Variants in CWF19L2 observed in about 807,000 individuals in gnomAD.
The protein encoded by CWF19L2 is CWF19-like protein 2.
CWF19L2 carries 98 observed loss-of-function variants against 111.7 expected under a neutral mutation model. That is an observed-to-expected ratio of 0.88 (90% CI 0.75 to 1.04). CWF19L2 has a LOEUF of 1.04. CWF19L2 is among the 50% of genes least tolerant of loss of function. The pLI is 0.00. For missense variants in CWF19L2, 1,101 were observed against 1,051.4 expected, an observed-to-expected ratio of 1.05 and a Z score of -0.65; for synonymous variants, 351 against 342.9, an observed-to-expected ratio of 1.02 and a Z score of -0.26.
At chr11:107,439,563 G>A (rs1861591026) in intron 5 of CWF19L2, among the ~76,000 whole-genome samples, 1 of 152,114 alleles carries the variant, frequency 6.6e-6, no homozygotes, top group African/African-American at 2.4e-5. Flanking sequence ...AAGGATCAAA[G>A]ACTTCCTAGA....
intron 12 of CWF19L2, among the ~76,000 whole-genome samples, chr11:107,380,221 C>T (rs1339823924): frequency 6.6e-6 from 1 of 152,026 alleles, no homozygotes; most frequent in Non-Finnish European, 1.5e-5. Flanking sequence ...AAATAGACTG[C>T]AGTCTAATTC....
At chr11:107,336,343 T>A (rs1859923216) in intron 15 of CWF19L2, among the ~76,000 whole-genome samples, 1 of 152,152 alleles carries the variant, frequency 6.6e-6, no homozygotes, top group East Asian at 2.0e-4. Flanking sequence ...GATGGGGTTT[T>A]ATCATGTTGG....
intron 10 of CWF19L2, among the ~76,000 whole-genome samples, chr11:107,413,370 G>T (rs1452397208): frequency 6.6e-6 from 1 of 152,102 alleles, no homozygotes; most frequent in East Asian, 1.9e-4. Flanking sequence ...ATTAGAAAAA[G>T]GCCATAATGA....
intron 16 of CWF19L2, among the ~76,000 whole-genome samples, chr11:107,332,121 C>T (rs1370212928): frequency 6.6e-6 from 1 of 152,124 alleles, no homozygotes; most frequent in Non-Finnish European, 1.5e-5. Flanking sequence ...ATTTGAAGGC[C>T]TCTGGTAAAC....
At chr11:107,350,459 C>A (rs1860141782) in intron 13 of CWF19L2, among the ~76,000 whole-genome samples, 1 of 152,050 alleles carries the variant, frequency 6.6e-6, no homozygotes. Context: ...ATAAAAGAAG[C>A]CCCAGGGAAT....
At chr11:107,397,126 G>A (rs1187147753) in intron 10 of CWF19L2, among the ~76,000 whole-genome samples, 6 of 152,216 alleles carry the variant, frequency 3.9e-5, no homozygotes, top group Admixed American at 6.5e-5. Flanking sequence ...ATTATCTAGC[G>A]GAACTTTGTA....
Position 107,399,621 on chromosome 11 carries a change from G to A in CWF19L2, c.1618-6726C>T, listed in dbSNP as rs371470158. On this transcript the variant is annotated intron_variant, in intron 10 of 17. Coordinates refer to ENST00000282251, the MANE Select transcript of CWF19L2 (RefSeq NM_152434.3). Reference sequence around the variant, plus strand: ...TAGACAGCAAAAAAGTAAAAGTGGGGGACTTCAATACTCCACTGATAGCCC... The same window carrying A: ...TAGACAGCAAAAAAGTAAAAGTGGGAGACTTCAATACTCCACTGATAGCCC... Among the ~76,000 whole-genome samples the A allele has an allele frequency of 9.2e-5, 14 of 152,102 alleles. No homozygotes were observed. In the East Asian group the frequency reaches 2.7e-3, roughly 29 times the overall value.
Position 107,439,069 on chromosome 11 carries a change from AT to A in CWF19L2, c.664+20del. 3.9e-6 allele frequency: 3 copies of A among 767,364 alleles called. No individual in the cohort carries two copies. Among genetic ancestry groups the A allele is most frequent in the Non-Finnish European group, 6.4e-6 (3 of 467,440 alleles). 47.5% of individuals were successfully genotyped at this position (767,364 alleles called of 1,614,324 possible). A position where few individuals can be genotyped will look rare whatever the true frequency, so the allele number is the denominator to read the frequency against. On this transcript the variant is annotated intron_variant, in intron 6 of 17. Transcript: ENST00000282251. ...AAAAAAAAAAAAACCCTGTGTGTCT[AT>A]AATCAAAATGTAGAAATACCTTTAG...
At chr11:107,403,949 T>G (rs1165700196) in intron 10 of CWF19L2, 3 of 883,506 alleles carry the variant, frequency 3.4e-6, no homozygotes, top group Non-Finnish European at 5.8e-6. Flanking sequence ...TTTAAGGACC[T>G]GCATTCTAGC....
At chr11:107,346,842 C>T (rs1019851893) in intron 14 of CWF19L2, among the ~76,000 whole-genome samples, 2 of 152,106 alleles carry the variant, frequency 1.3e-5, no homozygotes, top group African/African-American at 4.8e-5. Flanking sequence ...AGAACACTGG[C>T]AAGTGGGCTT....
intron 12 of CWF19L2, among the ~76,000 whole-genome samples, chr11:107,361,269 T>C (rs989497581): frequency 2.0e-5 from 3 of 152,232 alleles, no homozygotes; most frequent in Non-Finnish European, 2.9e-5. Flanking sequence ...ATTGTAAATA[T>C]GTGGCTTTAT....
intron 12 of CWF19L2, among the ~76,000 whole-genome samples, chr11:107,382,904 G>A (rs528634349): frequency 6.6e-6 from 1 of 152,282 alleles, no homozygotes; most frequent in South Asian, 2.1e-4. Flanking sequence ...TGCAATGGGG[G>A]AAGGAATACT....
chr11:107,367,290 C>T (rs1319121081), intron 12 of CWF19L2, among the ~76,000 whole-genome samples: 1 of 134,664 alleles, frequency 7.4e-6, no homozygotes, highest in African/African-American at 2.9e-5. Flanking sequence ...GGATCTAGAA[C>T]TAGAAATACC....
At chr11:107,428,387 C>A (rs1286221074) in intron 8 of CWF19L2, among the ~76,000 whole-genome samples, 5 of 151,954 alleles carry the variant, frequency 3.3e-5, no homozygotes, top group African/African-American at 4.8e-5. Flanking sequence ...GCGTGTTTTC[C>A]TTTTGTCTCC....
At chr11:107,371,731 C>A (rs1217898712) in intron 12 of CWF19L2, among the ~76,000 whole-genome samples, 1 of 137,206 alleles carries the variant, frequency 7.3e-6, no homozygotes, top group Non-Finnish European at 1.6e-5. Context: ...GCCCCTGTAA[C>A]CACAGTTCTA....
chr11:107,431,782 C>T (rs542802258), intron 7 of CWF19L2, among the ~76,000 whole-genome samples: 2 of 151,764 alleles, frequency 1.3e-5, no homozygotes, highest in East Asian at 1.9e-4. Context: ...GAAACAGATC[C>T]GAGAGTAAAG....
intron 14 of CWF19L2, among the ~76,000 whole-genome samples, chr11:107,341,371 T>C (rs1346417862): frequency 6.6e-6 from 1 of 152,208 alleles, no homozygotes; most frequent in Admixed American, 6.5e-5. Context: ...TTGATTGATA[T>C]GAACATGGTG....
At chr11:107,348,494 A>C (rs1488901505) in intron 14 of CWF19L2, among the ~76,000 whole-genome samples, 1 of 152,136 alleles carries the variant, frequency 6.6e-6, no homozygotes, top group Non-Finnish European at 1.5e-5. Context: ...CACCACAAAA[A>C]CACAGCAGCA....
chr11:107,426,104 T>C (rs1219390886), intron 8 of CWF19L2, among the ~76,000 whole-genome samples: 1 of 150,448 alleles, frequency 6.6e-6, no homozygotes, highest in Non-Finnish European at 1.5e-5. Flanking sequence ...GAATGAAAAA[T>C]GAAAGGAAAT....
Sources: gnomAD v4.1 joint callset for allele counts (sites outside exome capture counted in the v4.1 genomes callset) on GRCh38, gnomAD v4.1.1 for gene constraint, MANE v1.5 for transcripts, NCBI Gene and HGNC (gene_info 2026-07-23, HGNC 2026-07-21) for gene names.